ZNF469: variants seen among roughly 807,000 people sequenced by gnomAD.
ZNF469 encodes zinc finger protein 469.
A neutral mutation model predicts 1.0 loss-of-function variants in ZNF469; 1 was observed. That is an observed-to-expected ratio of 1.00 (90% CI 0.35 to 4.73). The LOEUF (loss-of-function observed/expected upper bound fraction) is 4.73, where lower values mean the gene tolerates loss of function less well. Among genes scored for constraint, ZNF469 ranks in the 30% most tolerant of loss-of-function variants. The probability of loss-of-function intolerance (pLI) is 0.16; values close to 1 mark genes in which losing one functional copy is unlikely to be tolerated. For missense variants in ZNF469, 6,100 were observed against 5,356.3 expected (o/e 1.14, Z -4.33); for synonymous variants, 2,703 against 2,363.4 (o/e 1.14, Z -4.17).
Position 88,431,930 on chromosome 16 carries a change from C to T in ZNF469, c.4460C>T (p.Pro1487Leu), listed in dbSNP as rs1567512709. 2 of 1,549,622 alleles carry T rather than the reference C, an allele frequency of 1.3e-6. No individual in the cohort carries two copies. Among genetic ancestry groups the T allele is most frequent in the Admixed American group, 2.0e-5 (1 of 50,996 alleles). The change falls in exon 3 of 3, where the codon CCT becomes CTT. Residue 1487 changes from proline to leucine, a missense_variant. Transcript: ENST00000565624. The part of the protein sequence containing the change: ...DSGLPFACAD[P>L]PQKTVPSDPP... The stretch of plus-strand genomic sequence containing the variant: ...GGTCTGCCGTTCGCATGTGCCGACC[C>T]TCCCCAGAAGACGGTGCCGTCAGAT...
chr16:88,313,686 G>C, the ZNF469 span, among the ~76,000 whole-genome samples: 1 of 151,958 alleles, frequency 6.6e-6, no homozygotes, highest in Admixed American at 6.5e-5. Context: ...GACAATGCTG[G>C]TGTAGACTGT....
chr16:88,405,811 C>T (rs1175459277), intron 1 of ZNF469, among the ~76,000 whole-genome samples: 1 of 152,230 alleles, frequency 6.6e-6, no homozygotes, highest in Non-Finnish European at 1.5e-5. Flanking sequence ...CGCCCCACGG[C>T]CCAGGCCAGA....
intron 1 of ZNF469, among the ~76,000 whole-genome samples, chr16:88,418,001 C>A (rs901480834): frequency 2.0e-5 from 3 of 152,180 alleles, no homozygotes; most frequent in Non-Finnish European, 4.4e-5. Flanking sequence ...CCCCACCCTG[C>A]AGCCCACCCG....
At chr16:88,221,180 A>G in the ZNF469 span, among the ~76,000 whole-genome samples, 6 of 152,218 alleles carry the variant, frequency 3.9e-5, no homozygotes, top group African/African-American at 1.4e-4. Flanking sequence ...AGCAGGCCTC[A>G]CACCAGAGAG....
At chr16:88,214,919 G>A in the ZNF469 span, among the ~76,000 whole-genome samples, 1 of 152,082 alleles carries the variant, frequency 6.6e-6, no homozygotes, top group South Asian at 2.1e-4. Context: ...TACAGACTTA[G>A]GATTCAAGTA....
chr16:88,193,099 T>TGGTGG, the ZNF469 span, among the ~76,000 whole-genome samples: 1 of 13,794 alleles, frequency 7.2e-5, no homozygotes, highest in African/African-American at 3.3e-4. Flanking sequence ...GGTGATGGTG[T>TGGTGG]TGATGGTGGT....
At chr16:88,351,487 A>G in the ZNF469 span, among the ~76,000 whole-genome samples, 4 of 151,936 alleles carry the variant, frequency 2.6e-5, no homozygotes, top group African/African-American at 9.7e-5. Context: ...GACAAAACCA[A>G]AATCAAAGCA....
Position 88,428,440 on chromosome 16 carries a change from T to C in ZNF469, c.970T>C (p.Tyr324His). 1 of 1,548,216 alleles carries C rather than the reference T, an allele frequency of 6.5e-7. No homozygotes were observed. Among genetic ancestry groups the C allele is most frequent in the Non-Finnish European group, 8.7e-7 (1 of 1,146,746 alleles). The part of the protein sequence containing the change: ...PEEAVGTGPA[Y>H]PLPTQPAPSP... Reference sequence around the variant, plus strand: ...GGAGGCCGTGGGCACGGGCCCTGCCTACCCGCTGCCCACCCAGCCTGCGCC... The same window carrying C: ...GGAGGCCGTGGGCACGGGCCCTGCCCACCCGCTGCCCACCCAGCCTGCGCC... The change falls in exon 3 of 3, where the codon TAC becomes CAC. Residue 324 changes from tyrosine to histidine, a missense_variant. By Grantham distance (83) the Tyr-to-His change is moderately conservative (BLOSUM62 2). Coordinates refer to ENST00000565624, the MANE Select transcript of ZNF469 (RefSeq NM_001367624.2).
At chr16:88,283,875 G>A in the ZNF469 span, among the ~76,000 whole-genome samples, 3 of 137,002 alleles carry the variant, frequency 2.2e-5, no homozygotes, top group Admixed American at 1.4e-4. Context: ...CCCCCAGTGT[G>A]TCCGGAGTGC....
intron 1 of ZNF469, among the ~76,000 whole-genome samples, chr16:88,399,148 T>C (rs1391254891): frequency 6.6e-6 from 1 of 152,148 alleles, no homozygotes; most frequent in Non-Finnish European, 1.5e-5. Context: ...TGGCTGGCAG[T>C]TTGGCAGGCA....
At chr16:88,342,012 G>C in the ZNF469 span, among the ~76,000 whole-genome samples, 1 of 152,126 alleles carries the variant, frequency 6.6e-6, no homozygotes, top group Non-Finnish European at 1.5e-5. Context: ...GGGCATCATA[G>C]CAGGTGGCAG....
the ZNF469 span, among the ~76,000 whole-genome samples, chr16:88,250,456 G>A: frequency 5.3e-5 from 8 of 152,208 alleles, no homozygotes; most frequent in African/African-American, 1.4e-4. Flanking sequence ...CCATTCTGTT[G>A]TCGACGGATT....
intron 1 of ZNF469, among the ~76,000 whole-genome samples, chr16:88,409,510 C>T (rs994841736): frequency 2.6e-5 from 4 of 152,116 alleles, no homozygotes; most frequent in African/African-American, 4.8e-5. Context: ...GTGCTCAGGG[C>T]AGCAGCCGGG....
At chr16:88,106,361 G>A in the ZNF469 span, among the ~76,000 whole-genome samples, 27 of 152,214 alleles carry the variant, frequency 1.8e-4, no homozygotes, top group Admixed American at 8.5e-4. Flanking sequence ...GAGGCAGTAC[G>A]ATAATCTCCC....
In ZNF469 at chr16:88,431,549, A is replaced by G; in HGVS notation, c.4079A>G (p.Asn1360Ser). ...SSFGCDPAGFNRDPLGVPVAK... is the reference protein window; with the variant it reads ...SSFGCDPAGFSRDPLGVPVAK... ...TTTGGCTGTGACCCTGCTGGTTTTA[A>G]CAGAGACCCCTTGGGGGTTCCAGTT... The change falls in exon 3 of 3, where the codon AAC becomes AGC. Residue 1360 changes from asparagine (N) to serine (S), a missense_variant. Asn to Ser is a conservative substitution (Grantham distance 46). Coordinates refer to ENST00000565624, the MANE Select transcript of ZNF469 (RefSeq NM_001367624.2). 6.4e-7 allele frequency: 1 copy of G among 1,550,404 alleles called. No homozygotes were observed. The highest frequency in any genetic ancestry group is 8.7e-7 in the Non-Finnish European group (1 of 1,146,988).
the ZNF469 span, among the ~76,000 whole-genome samples, chr16:88,301,306 T>C: frequency 2.0e-5 from 3 of 152,004 alleles, no homozygotes; most frequent in African/African-American, 7.2e-5. Context: ...AGGTGCCCGC[T>C]ACCACGCCTG....
the ZNF469 span, among the ~76,000 whole-genome samples, chr16:88,329,921 C>T: frequency 6.6e-5 from 10 of 152,172 alleles, no homozygotes; most frequent in African/African-American, 1.9e-4. Flanking sequence ...CGCCCACAGG[C>T]GTGGCATCAT....
the ZNF469 span, among the ~76,000 whole-genome samples, chr16:88,332,779 A>C: frequency 0.16 from 23,987 of 152,196 alleles, 2,475 homozygotes; most frequent in Non-Finnish European, 0.24. Context: ...CGGCTCTCAC[A>C]GCCTGCAAAC....
the ZNF469 span, among the ~76,000 whole-genome samples, chr16:88,105,861 A>G: frequency 6.6e-6 from 1 of 152,218 alleles, no homozygotes; most frequent in East Asian, 1.9e-4. Context: ...CCTGGATTCC[A>G]GAAGTCAGGG....
Sources: gnomAD v4.1 joint callset for allele counts (sites outside exome capture counted in the v4.1 genomes callset) on GRCh38, gnomAD v4.1.1 for gene constraint, MANE v1.5 for transcripts, NCBI Gene and HGNC (gene_info 2026-07-23, HGNC 2026-07-21) for gene names.